ADAP2: variants seen among roughly 807,000 people sequenced by gnomAD.
ADAP2 encodes ArfGAP with dual PH domains 2.
In ADAP2, 42 loss-of-function variants were observed where a neutral mutation model predicts 54.9. That is an observed-to-expected ratio of 0.77 (90% CI 0.60 to 0.99). The LOEUF (loss-of-function observed/expected upper bound fraction) is 0.99, where lower values mean the gene tolerates loss of function less well. Among genes scored for constraint, ADAP2 ranks in the 50% least tolerant of loss-of-function variants. The pLI, the probability that ADAP2 is intolerant of heterozygous loss-of-function variation, is 0.00. For missense variants in ADAP2, 429 were observed against 480.4 expected (o/e 0.89, Z 1.00); for synonymous variants, 177 against 180.1 (o/e 0.98, Z 0.14).
chr17:30,936,638 C>T (rs1032922807), intron 5 of ADAP2, among the ~76,000 whole-genome samples: 7 of 152,006 alleles, frequency 4.6e-5, no homozygotes, highest in Admixed American at 2.6e-4. Context: ...CCATATTGGC[C>T]GGGCGCGGTG....
intron 8 of ADAP2, 93 bp from the exon 9 acceptor site, chr17:30,954,385 G>A: frequency 9.4e-7 from 1 of 1,063,322 alleles, no homozygotes. Context: ...AGTGGGACTG[G>A]CCAGCTCCTT....
chr17:30,946,539 C>A (rs1364565835), intron 6 of ADAP2, among the ~76,000 whole-genome samples: 4 of 151,962 alleles, frequency 2.6e-5, no homozygotes, highest in Admixed American at 2.6e-4. Flanking sequence ...ATTTAATAGT[C>A]CAGGAAATCT....
intron 3 of ADAP2, among the ~76,000 whole-genome samples, chr17:30,928,049 C>G (rs185180980): frequency 5.9e-5 from 9 of 151,464 alleles, no homozygotes; most frequent in Admixed American, 5.9e-4. Flanking sequence ...TAGCTACTGG[C>G]TGGATGCGGT....
chr17:30,935,681 C>G (rs537883446), intron 5 of ADAP2, among the ~76,000 whole-genome samples: 78 of 152,288 alleles, frequency 5.1e-4, no homozygotes, highest in African/African-American at 1.9e-3. Context: ...AAATCAGAAG[C>G]CTGGTTTGCA....
chr17:30,956,431 G>T lies in ADAP2; in HGVS notation c.1073G>T (p.Gly358Val). The change falls in exon 10 of 11, where the codon GGT becomes GTT. Residue 358 changes from glycine (G) to valine (V), a missense_variant. Physicochemically the swap from Gly to Val is moderately radical, Grantham distance 109. Coordinates refer to ENST00000330889, the MANE Select transcript of ADAP2 (RefSeq NM_018404.3). ...EQQEWLESLR[G>V]VLSSPLTPLN... ...CAGGAATGGCTGGAAAGTTTGCGGG[G>T]TGTCCTGTCCAGCCCCTTGACGCCC... 1 of 1,614,216 alleles carries T rather than the reference G, an allele frequency of 6.2e-7. No individual in the cohort carries two copies. Among genetic ancestry groups the T allele is most frequent in the African/African-American group, 1.3e-5 (1 of 75,060 alleles).
intron 3 of ADAP2, 73 bp downstream of exon 3, chr17:30,926,991 G>C: frequency 8.3e-7 from 1 of 1,208,358 alleles, no homozygotes; most frequent in South Asian, 1.2e-5. Flanking sequence ...CTCCATCTTT[G>C]GTGTCTTCAT....
At chr17:30,956,519 G>C in intron 10 of ADAP2, 50 bp downstream of exon 10, 2 of 1,547,486 alleles carry the variant, frequency 1.3e-6, no homozygotes, top group Non-Finnish European at 1.8e-6. Context: ...GCAGAGGACA[G>C]AAAATTGCTT....
intron 10 of ADAP2, chr17:30,956,785 G>A (rs1905106005): frequency 7.7e-6 from 3 of 388,366 alleles, no homozygotes; most frequent in Non-Finnish European, 4.8e-6. Flanking sequence ...TCCCTCCACC[G>A]TGCTCTATGC....
chr17:30,954,697 C>T, intron 9 of ADAP2, 142 bp downstream of exon 9: 1 of 665,400 alleles, frequency 1.5e-6, no homozygotes, highest in Admixed American at 2.9e-5. Context: ...AACCTCTACC[C>T]CTTGTTTTTG....
intron 2 of ADAP2, 72 bp downstream of exon 2, chr17:30,923,142 A>G (rs1910767786): frequency 1.3e-6 from 2 of 1,562,590 alleles, no homozygotes. Flanking sequence ...GGGGGCTCCC[A>G]TTCTACAGAG....
chr17:30,923,270 T>C (rs545049740), intron 2 of ADAP2, among the ~76,000 whole-genome samples, 200 bp downstream of exon 2: 182 of 151,320 alleles, frequency 1.2e-3, no homozygotes, highest in African/African-American at 4.2e-3. Context: ...CTTACTTTTT[T>C]TTTTTTTTTT....
At chr17:30,955,901 C>A (rs1206282489) in intron 9 of ADAP2, among the ~76,000 whole-genome samples, 5 of 151,640 alleles carry the variant, frequency 3.3e-5, no homozygotes, top group Admixed American at 6.6e-5. Flanking sequence ...AAAAACAATT[C>A]ATAATAATAA....
In ADAP2 at chr17:30,927,478, T is replaced by C. The variant is rs111533856; in HGVS notation, c.317+560T>C. On this transcript the variant is annotated intron_variant, in intron 3 of 10. Transcript: ENST00000330889. Reference sequence around the variant, plus strand: ...AATACAAAAAAAATTTAGCCGGGCGTGGTGGCGGGCACTGGAGTCCCAGCT... The same window carrying C: ...AATACAAAAAAAATTTAGCCGGGCGCGGTGGCGGGCACTGGAGTCCCAGCT... 5.8e-3 allele frequency among the ~76,000 whole-genome samples: 885 copies of C among 151,752 alleles called. 5 individuals carry two copies. The highest frequency in any genetic ancestry group is 0.017 in the Middle Eastern group (5 of 292).
At chr17:30,928,215 G>T (rs962172594) in intron 3 of ADAP2, among the ~76,000 whole-genome samples, 1 of 145,376 alleles carries the variant, frequency 6.9e-6, no homozygotes, top group Non-Finnish European at 1.5e-5. Context: ...AAAAAAAAAG[G>T]CCGGATGTGG....
chr17:30,948,026 C>T (rs561439594), intron 6 of ADAP2, among the ~76,000 whole-genome samples: 5 of 152,058 alleles, frequency 3.3e-5, no homozygotes, highest in East Asian at 1.9e-4. Context: ...TGAGCAAGCA[C>T]CAAAAATCTA....
intron 5 of ADAP2, among the ~76,000 whole-genome samples, chr17:30,938,636 C>G (rs1912051901): frequency 6.6e-6 from 1 of 152,134 alleles, no homozygotes; most frequent in South Asian, 2.1e-4. Flanking sequence ...TTGTGGCCAA[C>G]AAAGTAAGAG....
chr17:30,930,850 A>G (rs985909863), intron 3 of ADAP2, among the ~76,000 whole-genome samples: 1 of 152,208 alleles, frequency 6.6e-6, no homozygotes, highest in Non-Finnish European at 1.5e-5. Context: ...CACGGATGAC[A>G]ATCTCTGATT....
At chr17:30,941,779 T>G (rs1354849627) in intron 5 of ADAP2, among the ~76,000 whole-genome samples, 1 of 152,164 alleles carries the variant, frequency 6.6e-6, no homozygotes, top group African/African-American at 2.4e-5. Context: ...TTATCTGGTG[T>G]TGGAATGGGG....
rs116318192 is a variant in ADAP2 at position 30,937,653 on chromosome 17, C to T, written c.510+3356C>T. Among the ~76,000 whole-genome samples the T allele has an allele frequency of 2.5e-3, 382 of 152,212 alleles. 4 individuals are homozygous for T. The highest frequency in any genetic ancestry group is 8.9e-3 in the African/African-American group (369 of 41,530). Reference sequence around the variant, plus strand: ...CCCAAGTGAAGAAGAATGGTGGATCCGACCAGGATGGTTAGAAGTGGTCAG... The same window carrying T: ...CCCAAGTGAAGAAGAATGGTGGATCTGACCAGGATGGTTAGAAGTGGTCAG... On this transcript the variant is annotated intron_variant, in intron 5 of 10. Coordinates refer to ENST00000330889, the MANE Select transcript of ADAP2 (RefSeq NM_018404.3).
Sources: gnomAD v4.1 joint callset for allele counts (sites outside exome capture counted in the v4.1 genomes callset) on GRCh38, gnomAD v4.1.1 for gene constraint, MANE v1.5 for transcripts, NCBI Gene and HGNC (gene_info 2026-07-23, HGNC 2026-07-21) for gene names.